Variants in IGF2BP2 observed in about 807,000 individuals in gnomAD.
IGF2BP2 encodes insulin-like growth factor 2 mRNA-binding protein 2.
Under a neutral mutation model 75.8 loss-of-function variants are expected in IGF2BP2, and 17 were observed. The ratio of observed to expected loss-of-function variants is 0.22; its 90% CI spans 0.15 to 0.34. IGF2BP2 has a LOEUF of 0.34. IGF2BP2 is among the 10% of genes least tolerant of loss of function. The probability of loss-of-function intolerance (pLI) is 1.00; values close to 1 mark genes in which losing one functional copy is unlikely to be tolerated. For synonymous variants in IGF2BP2, 288 were observed against 295.6 expected (o/e 0.97, Z 0.26); for missense variants, 516 against 772.4 (o/e 0.67, Z 3.93).
chr3:185,677,781 A>C (rs1719780810), intron 7 of IGF2BP2, among the ~76,000 whole-genome samples: 2 of 152,222 alleles, frequency 1.3e-5, no homozygotes, highest in South Asian at 2.1e-4. Flanking sequence ...ATAAGAAAGA[A>C]CCTAACAAAT....
chr3:185,649,409 G>C lies in IGF2BP2; in HGVS notation c.1587C>G (p.Gly529=). The C allele has an allele frequency of 6.2e-7, 1 of 1,613,284 alleles. No individual in the cohort carries two copies. Among genetic ancestry groups the C allele is most frequent in the Non-Finnish European group, 8.5e-7 (1 of 1,179,914 alleles). ...STAGRVIGKG[G]KTVNELQNLT... ...GAGCCCGGAGCACACTTACGGTCTT[G>C]CCACCTTTGCCAATCACCCGGCCAG... Residue 529 remains glycine (G), a synonymous_variant, in exon 14 of 16, where the codon GGC becomes GGG. Transcript: ENST00000382199.
intron 2 of IGF2BP2, among the ~76,000 whole-genome samples, chr3:185,737,238 C>T (rs925030986): frequency 3.3e-5 from 5 of 152,202 alleles, no homozygotes; most frequent in African/African-American, 7.2e-5. Context: ...CTTCCAGCAG[C>T]GTTGGCTCCT....
intron 12 of IGF2BP2, among the ~76,000 whole-genome samples, chr3:185,655,271 A>G (rs1715253825): frequency 1.3e-5 from 2 of 152,176 alleles, no homozygotes; most frequent in Non-Finnish European, 1.5e-5. Context: ...AGCTGGGATT[A>G]CAGGCACCCG....
intron 2 of IGF2BP2, among the ~76,000 whole-genome samples, chr3:185,816,311 C>T (rs2150040819): frequency 6.6e-6 from 1 of 152,270 alleles, no homozygotes; most frequent in East Asian, 1.9e-4. Context: ...GTATATTCCC[C>T]ACTTCTGTCT....
rs751317614 is a variant in IGF2BP2 at position 185,652,075 on chromosome 3, G to T, written c.1461+19C>A. The T allele has an allele frequency of 6.9e-5, 110 of 1,603,736 alleles. No homozygotes were observed. The highest frequency in any genetic ancestry group is 8.4e-5 in the Non-Finnish European group (99 of 1,172,624). On this transcript the variant is annotated intron_variant, in intron 13 of 15. Coordinates refer to ENST00000382199, the MANE Select transcript of IGF2BP2 (RefSeq NM_006548.6). ...CTGTGCCCAGAGCCTGCAGGGCTGA[G>T]GTGTCCCTTGGCACTAACCTTGAAC...
chr3:185,764,869 C>T (rs573561869), intron 2 of IGF2BP2, among the ~76,000 whole-genome samples: 1 of 152,244 alleles, frequency 6.6e-6, no homozygotes, highest in East Asian at 1.9e-4. Flanking sequence ...TTGCCCCCAG[C>T]TCTGAGACAA....
chr3:185,744,976 A>G (rs1227778051), intron 2 of IGF2BP2, among the ~76,000 whole-genome samples: 1 of 152,116 alleles, frequency 6.6e-6, no homozygotes, highest in Non-Finnish European at 1.5e-5. Flanking sequence ...TTCTAAATTT[A>G]TTTCCGAAAG....
chr3:185,714,731 T>C (rs900685155), intron 2 of IGF2BP2, among the ~76,000 whole-genome samples: 6 of 152,196 alleles, frequency 3.9e-5, no homozygotes, highest in East Asian at 1.9e-4. Context: ...GAGGATTGCT[T>C]GAGCCCAGAA....
Position 185,689,358 on chromosome 3 carries a change from G to A in IGF2BP2, c.674C>T (p.Ser225Phe), listed in dbSNP as rs1160188015. 2 of 1,612,864 alleles carry A rather than the reference G, an allele frequency of 1.2e-6. No homozygotes were observed. Among genetic ancestry groups the A allele is most frequent in the Non-Finnish European group, 1.7e-6 (2 of 1,179,856 alleles). Residue 225 changes from serine (S) to phenylalanine (F), a missense_variant, in exon 6 of 16, where the codon TCC becomes TTC. Transcript: ENST00000382199. Reference sequence around the variant, plus strand: ...AGGAAGCCCCACAGGCACGTACCGGGACTGGGTCTGCTTAGTGATGTTCTT... The same window carrying A: ...AGGAAGCCCCACAGGCACGTACCGGAACTGGGTCTGCTTAGTGATGTTCTT... The part of the protein sequence containing the change: ...TIKNITKQTQ[S>F]RVDIHRKENS...
chr3:185,645,677 T>G lies in IGF2BP2; in HGVS notation c.1708-54A>C. The G allele has an allele frequency of 7.2e-7, 1 of 1,390,676 alleles. No homozygotes were observed. The highest frequency in any genetic ancestry group is 1.0e-6 in the Non-Finnish European group (1 of 977,064). The allele number at this position is 1,390,676 out of a possible 1,614,324, so 86.1% of individuals were successfully genotyped here. ...GGGACAGGGGAAAAAAGGAACCCAG[T>G]TCTGAGGACAAACGGCAGGGGAGGC... On this transcript the variant is annotated intron_variant, in intron 15 of 15. Coordinates refer to ENST00000382199, the MANE Select transcript of IGF2BP2 (RefSeq NM_006548.6). The surrounding 1 kb of genome is among the most constrained non-coding windows in gnomAD (Gnocchi z 4.9).
At chr3:185,817,099 C>G (rs1372325124) in intron 2 of IGF2BP2, among the ~76,000 whole-genome samples, 1 of 152,166 alleles carries the variant, frequency 6.6e-6, no homozygotes, top group Non-Finnish European at 1.5e-5. Context: ...ATTTATCAGA[C>G]TTATTAAAAT....
intron 10 of IGF2BP2, among the ~76,000 whole-genome samples, chr3:185,670,340 T>C (rs1718323120): frequency 6.6e-6 from 1 of 152,176 alleles, no homozygotes; most frequent in African/African-American, 2.4e-5. Flanking sequence ...CAGCAAACTT[T>C]TTCTGCAAAG....
At chr3:185,676,770 T>C (rs890698384) in intron 7 of IGF2BP2, among the ~76,000 whole-genome samples, 8 of 115,784 alleles carry the variant, frequency 6.9e-5, no homozygotes, top group Non-Finnish European at 1.6e-4. Context: ...TATATATATA[T>C]GGAGATATAT....
Position 185,823,173 on chromosome 3 carries a change from G to A in IGF2BP2, c.219C>T (p.Tyr73=). ...TTTACCTTAGCTTTTTAGAGACTGA[G>A]TAATCAACTTCCATGATTTTCCCAT... is the stretch of plus-strand genomic sequence containing the variant. ...ELHGKIMEVD[Y]SVSKKLRSRK... Residue 73 remains tyrosine (Y), a synonymous_variant, in exon 2 of 16, where the codon TAC becomes TAT. Transcript: ENST00000382199. The A allele has an allele frequency of 6.2e-7, 1 of 1,607,242 alleles. No individual in the cohort carries two copies. Among genetic ancestry groups the A allele is most frequent in the Non-Finnish European group, 8.5e-7 (1 of 1,176,722 alleles).
At chr3:185,687,305 G>A (rs1437004380) in intron 6 of IGF2BP2, 114 bp from the exon 7 acceptor site, 35 of 1,093,400 alleles carry the variant, frequency 3.2e-5, no homozygotes, top group Middle Eastern at 2.1e-4. Flanking sequence ...ACAAGGAGGC[G>A]TCATCAGCAC....
chr3:185,774,175 TGGA>T lies in IGF2BP2; in HGVS notation c.239+48975_239+48977del, dbSNP rs1329697745. 1.3e-5 allele frequency among the ~76,000 whole-genome samples: 2 copies of T among 152,136 alleles called. 1 individual carries two copies. Among genetic ancestry groups the T allele is most frequent in the Admixed American group, 1.3e-4 (2 of 15,282 alleles). On this transcript the variant is annotated intron_variant, in intron 2 of 15. Coordinates refer to ENST00000382199, the MANE Select transcript of IGF2BP2 (RefSeq NM_006548.6). ...CCAGTTCATACAATTGAGGCGGGTA[TGGA>T]CAGTCTAGAGCACAAGCAAGCAGGA... is the stretch of plus-strand genomic sequence containing the variant.
At chr3:185,790,425 A>G (rs1351791504) in intron 2 of IGF2BP2, among the ~76,000 whole-genome samples, 5 of 152,190 alleles carry the variant, frequency 3.3e-5, no homozygotes, top group African/African-American at 1.2e-4. Context: ...AAAGAGCTTT[A>G]AGGGAACCAC....
intron 2 of IGF2BP2, among the ~76,000 whole-genome samples, chr3:185,822,172 G>A (rs991843285): frequency 6.6e-6 from 1 of 152,152 alleles, no homozygotes; most frequent in Non-Finnish European, 1.5e-5. Flanking sequence ...AGGGTAGTTT[G>A]TTTTAAAATC....
rs1713325932 is a variant in IGF2BP2, at chr3:185,645,345, C to T, written c.*186G>A. On this transcript the variant is annotated 3_prime_UTR_variant, in exon 16 of 16. Transcript: ENST00000382199. The surrounding 1 kb of genome is among the most constrained non-coding windows in gnomAD (Gnocchi z 4.9). ...GGTTCTGGCAAACCTGGCTGACCTTCCCCGCCCCTCCTCGGCCCCTGGGGT... is the reference window on the plus strand; with the variant it reads ...GGTTCTGGCAAACCTGGCTGACCTTTCCCGCCCCTCCTCGGCCCCTGGGGT... The T allele has an allele frequency of 3.5e-6, 2 of 578,952 alleles. No homozygotes were observed. The highest frequency in any genetic ancestry group is 1.9e-5 in the African/African-American group (1 of 53,490). 35.9% of individuals were successfully genotyped at this position (578,952 alleles called of 1,614,324 possible).
Sources: allele counts gnomAD v4.1 joint callset (sites outside exome capture counted in the v4.1 genomes callset), GRCh38; gene constraint gnomAD v4.1.1; non-coding constraint Gnocchi (gnomAD v3.1); transcripts MANE v1.5; gene names NCBI Gene and HGNC (gene_info 2026-07-23, HGNC 2026-07-21).